The following MGAT4C variants were observed in gnomAD, a reference collection of about 807,000 sequenced individuals.
MGAT4C encodes the protein alpha-1,3-mannosyl-glycoprotein 4-beta-N-acetylglucosaminyltransferase C.
In MGAT4C, 19 loss-of-function variants were observed where a neutral mutation model predicts 40.1. The observed-to-expected ratio is 0.47, with a 90% CI of 0.33 to 0.70. The LOEUF (loss-of-function observed/expected upper bound fraction) is 0.70. MGAT4C is among the 30% of genes least tolerant of loss of function. The pLI, the probability that MGAT4C is intolerant of heterozygous loss-of-function variation, is 0.02. For synonymous variants in MGAT4C, 181 were observed against 187.1 expected (o/e 0.97, Z 0.27); for missense variants, 491 against 563.2 (o/e 0.87, Z 1.30).
At chr12:86,582,180 A>C (rs575473259) in intron 2 of MGAT4C, among the ~76,000 whole-genome samples, 1 of 151,584 alleles carries the variant, frequency 6.6e-6, no homozygotes, top group South Asian at 2.1e-4. Context: ...ATATACAAAG[A>C]CCAATGCAAT....
intron 2 of MGAT4C, among the ~76,000 whole-genome samples, chr12:86,564,541 T>C (rs931074746): frequency 2.0e-5 from 3 of 152,206 alleles, no homozygotes; most frequent in Admixed American, 1.3e-4. Flanking sequence ...CTGGACTTAT[T>C]GGTGATACAT....
intron 2 of MGAT4C, among the ~76,000 whole-genome samples, chr12:86,547,353 T>A (rs1346237576): frequency 6.6e-6 from 1 of 152,076 alleles, no homozygotes; most frequent in African/African-American, 2.4e-5. Flanking sequence ...CTTCTCTTCT[T>A]TCTTTATCCT....
At chr12:86,242,802 C>T (rs1951845541) in intron 1 of MGAT4C, among the ~76,000 whole-genome samples, 1 of 152,118 alleles carries the variant, frequency 6.6e-6, no homozygotes, top group African/African-American at 2.4e-5. Context: ...TATATACACA[C>T]ACATGTACAC....
chr12:86,320,391 T>G (rs969645562), intron 4 of MGAT4C, among the ~76,000 whole-genome samples: 2 of 152,192 alleles, frequency 1.3e-5, no homozygotes, highest in African/African-American at 4.8e-5. Flanking sequence ...AAAGGTGGTC[T>G]AGATTACCAA....
In MGAT4C at chr12:86,275,944, CAAAAAAAAAA is replaced by C. The variant is rs748476574; in HGVS notation, c.-57+58111_-57+58120del. ...TGAAACCCCGTCTCTACTAAAAATCCAAAAAAAAAAAAAAAAAAAAAAAAAAAAATTAGCC... is the reference window on the plus strand; with the variant it reads ...TGAAACCCCGTCTCTACTAAAAATCCAAAAAAAAAAAAAAAAAAATTAGCC... On this transcript the variant is annotated intron_variant, in intron 4 of 7. Transcript: ENST00000548651. 3.6e-3 allele frequency among the ~76,000 whole-genome samples: 250 copies of C among 69,192 alleles called. 1 individual carries two copies. The highest frequency in any genetic ancestry group is 4.7e-3 in the Non-Finnish European group (174 of 37,278). 45.4% of individuals were successfully genotyped at this position (69,192 alleles called of 152,430 possible).
rs111329175 is a variant in MGAT4C, at chr12:86,305,215, G to A, written c.-57+28850C>T. 1.9e-3 allele frequency among the ~76,000 whole-genome samples: 281 copies of A among 150,346 alleles called. 26 individuals are homozygous for A. The highest frequency in any genetic ancestry group is 6.7e-3 in the African/African-American group (269 of 39,876). On this transcript the variant is annotated intron_variant, in intron 4 of 7. Transcript: ENST00000548651. ...AGCACTTTGGGAGGCCGAAGCAGGC[G>A]GATCACCTGAGGTTGGGAGTTCAAG...
intron 3 of MGAT4C, among the ~76,000 whole-genome samples, chr12:86,370,934 A>G (rs1283378775): frequency 6.6e-6 from 1 of 151,218 alleles, no homozygotes; most frequent in Non-Finnish European, 1.5e-5. Context: ...GGCCCTTTCA[A>G]TACCATATCA....
intron 1 of MGAT4C, among the ~76,000 whole-genome samples, chr12:86,130,378 A>T (rs1490481608): frequency 6.6e-6 from 1 of 152,166 alleles, no homozygotes; most frequent in Non-Finnish European, 1.5e-5. Flanking sequence ...ATGGCTCACA[A>T]TACAATTTTA....
At chr12:86,548,356 T>C (rs1959213701) in intron 2 of MGAT4C, among the ~76,000 whole-genome samples, 1 of 152,102 alleles carries the variant, frequency 6.6e-6, no homozygotes, top group Non-Finnish European at 1.5e-5. Context: ...AATAGAATAA[T>C]CTCTCAAGGT....
intron 2 of MGAT4C, among the ~76,000 whole-genome samples, chr12:86,650,447 A>G (rs543666005): frequency 7.2e-5 from 11 of 151,974 alleles, no homozygotes; most frequent in African/African-American, 1.9e-4. Flanking sequence ...AGCGCCAGAA[A>G]TGTGTATTGA....
intron 3 of MGAT4C, among the ~76,000 whole-genome samples, chr12:86,405,744 A>C (rs948865659): frequency 2.2e-4 from 34 of 151,444 alleles, no homozygotes; most frequent in Non-Finnish European, 4.4e-4. Flanking sequence ...AGTGTGTGTT[A>C]TTGCTGTAGG....
chr12:86,314,232 T>C (rs925924000), intron 4 of MGAT4C, among the ~76,000 whole-genome samples: 1 of 152,164 alleles, frequency 6.6e-6, no homozygotes, highest in African/African-American at 2.4e-5. Flanking sequence ...AGAATTGATT[T>C]GATAAAAATA....
intron 2 of MGAT4C, among the ~76,000 whole-genome samples, chr12:86,508,226 A>T (rs1327484351): frequency 6.6e-6 from 1 of 151,766 alleles, no homozygotes; most frequent in East Asian, 2.0e-4. Context: ...ACCATACGAC[A>T]GTCCCCAGAG....
chr12:86,806,576 CCTTT>C (rs1317653616), intron 1 of MGAT4C, among the ~76,000 whole-genome samples: 2 of 152,084 alleles, frequency 1.3e-5, no homozygotes, highest in African/African-American at 4.8e-5. Context: ...CCTCCTGTCA[CCTTT>C]CTATTACCAC....
chr12:86,611,079 G>A (rs1254776952), intron 2 of MGAT4C, among the ~76,000 whole-genome samples: 2 of 150,974 alleles, frequency 1.3e-5, no homozygotes, highest in South Asian at 2.1e-4. Flanking sequence ...GATCCTGAAT[G>A]TACAGCACTT....
chr12:86,507,807 C>G (rs1177949249), intron 2 of MGAT4C, among the ~76,000 whole-genome samples: 4 of 152,084 alleles, frequency 2.6e-5, no homozygotes, highest in African/African-American at 9.6e-5. Flanking sequence ...TTTAATTATT[C>G]TAGTTTTAAA....
At chr12:86,252,142 G>C (rs2136078166) in intron 1 of MGAT4C, among the ~76,000 whole-genome samples, 1 of 152,130 alleles carries the variant, frequency 6.6e-6, no homozygotes, top group Admixed American at 6.6e-5. Flanking sequence ...ATTAACCCCT[G>C]AAAAGGGCAC....
At chr12:86,620,478 C>G (rs187448780) in intron 2 of MGAT4C, among the ~76,000 whole-genome samples, 1 of 152,174 alleles carries the variant, frequency 6.6e-6, no homozygotes, top group East Asian at 1.9e-4. Flanking sequence ...TTACCAAATA[C>G]TGCATGTTCT....
At chr12:86,378,104 G>C (rs891482012) in intron 3 of MGAT4C, among the ~76,000 whole-genome samples, 5 of 152,014 alleles carry the variant, frequency 3.3e-5, no homozygotes, top group East Asian at 1.9e-4. Flanking sequence ...CCACTCATCT[G>C]TTAATAGATA....
Sources: gnomAD v4.1 joint callset for allele counts (sites outside exome capture counted in the v4.1 genomes callset) on GRCh38, gnomAD v4.1.1 for gene constraint, MANE v1.5 for transcripts, NCBI Gene and HGNC (gene_info 2026-07-23, HGNC 2026-07-21) for gene names.